The following HEPACAM2 variants were observed in gnomAD, a reference collection of about 807,000 sequenced individuals.
The protein encoded by HEPACAM2 is HEPACAM family member 2, also known as mitotic kinetics regulator.
In HEPACAM2, 49 loss-of-function variants were observed where a neutral mutation model predicts 49.6. That is an observed-to-expected ratio of 0.99 (90% CI 0.78 to 1.25). The LOEUF (loss-of-function observed/expected upper bound fraction) is 1.25. Among genes scored for constraint, HEPACAM2 ranks in the 50% most tolerant of loss-of-function variants. HEPACAM2 has a pLI of 0.00. For missense variants in HEPACAM2, 525 were observed against 557.2 expected, an observed-to-expected ratio of 0.94 and a Z score of 0.58; for synonymous variants, 197 against 202.9, an observed-to-expected ratio of 0.97 and a Z score of 0.25.
upstream of HEPACAM2, among the ~76,000 whole-genome samples, chr7:93,230,611 C>T (rs1211154748): frequency 6.6e-6 from 1 of 152,156 alleles, no homozygotes; most frequent in Non-Finnish European, 1.5e-5. Flanking sequence ...TGTTTATTGA[C>T]TTGGGTTTTA....
chr7:93,224,798 A>G (rs1206904220), intron 1 of HEPACAM2, among the ~76,000 whole-genome samples: 1 of 152,216 alleles, frequency 6.6e-6, no homozygotes, highest in Non-Finnish European at 1.5e-5. Context: ...GTTGACTGAA[A>G]ATAAAATCTT....
chr7:93,222,397 T>C (rs1794467987), intron 1 of HEPACAM2, among the ~76,000 whole-genome samples: 1 of 151,096 alleles, frequency 6.6e-6, no homozygotes, highest in Non-Finnish European at 1.5e-5. Flanking sequence ...TGCTCCCTCC[T>C]TTTTTTTTAC....
chr7:93,204,320 C>A (rs1793969422), intron 4 of HEPACAM2, among the ~76,000 whole-genome samples: 1 of 140,548 alleles, frequency 7.1e-6, no homozygotes, highest in Admixed American at 7.3e-5. Context: ...TTTCCATAAA[C>A]ATTCTCTATC....
chr7:93,223,242 T>G (rs906828788), intron 1 of HEPACAM2, among the ~76,000 whole-genome samples: 4 of 152,088 alleles, frequency 2.6e-5, no homozygotes, highest in African/African-American at 9.7e-5. Flanking sequence ...AGATTGAGAT[T>G]TATTTAATAT....
intron 1 of HEPACAM2, among the ~76,000 whole-genome samples, chr7:93,224,755 A>ATG: frequency 6.6e-6 from 1 of 152,314 alleles, no homozygotes; most frequent in East Asian, 1.9e-4. Context: ...CCCTGTTATC[A>ATG]TGTGTGGTAT....
chr7:93,200,698 A>T (rs999686745), intron 4 of HEPACAM2, among the ~76,000 whole-genome samples: 1 of 152,166 alleles, frequency 6.6e-6, no homozygotes, highest in Non-Finnish European at 1.5e-5. Context: ...AAAAACTAAC[A>T]TCACAAATCT....
chr7:93,231,000 C>A (rs1251599095), upstream of HEPACAM2, among the ~76,000 whole-genome samples: 1 of 152,090 alleles, frequency 6.6e-6, no homozygotes. Context: ...CCTTACAAAG[C>A]CCTATATAAA....
chr7:93,215,277 T>C (rs1206936723), intron 3 of HEPACAM2, 124 bp downstream of exon 3: 17 of 784,836 alleles, frequency 2.2e-5, no homozygotes, highest in African/African-American at 3.5e-5. Flanking sequence ...ATTAGAACTA[T>C]TGAACTACAA....
chr7:93,188,541 T>G lies in HEPACAM2; in HGVS notation c.*726A>C, dbSNP rs1335764478. 1 of 152,194 alleles carries G rather than the reference T, an allele frequency of 6.6e-6. No individual in the cohort carries two copies. The highest frequency in any genetic ancestry group is 1.9e-4 in the East Asian group (1 of 5,190). The allele number at this position is 152,194 out of a possible 1,614,324, so 9.4% of individuals were successfully genotyped here. On this transcript the variant is annotated 3_prime_UTR_variant, in exon 10 of 10. Coordinates refer to ENST00000394468, the MANE Select transcript of HEPACAM2 (RefSeq NM_001039372.4). The stretch of plus-strand genomic sequence containing the variant: ...AAAAACCAACGTCTACAATCTGATT[T>G]TTATGTAATATTTTTACTCTACAAG...
At chr7:93,224,098 T>A (rs376039151) in intron 1 of HEPACAM2, among the ~76,000 whole-genome samples, 34 of 152,060 alleles carry the variant, frequency 2.2e-4, no homozygotes, top group African/African-American at 7.2e-4. Context: ...TAGAAAATCA[T>A]CCTCTGCATG....
chr7:93,231,433 G>A (rs1794626081), upstream of HEPACAM2, among the ~76,000 whole-genome samples: 1 of 151,964 alleles, frequency 6.6e-6, no homozygotes. Context: ...CCTTAATTTC[G>A]CCATACCTGC....
chr7:93,193,353 A>G (rs1793604901), intron 8 of HEPACAM2, among the ~76,000 whole-genome samples: 1 of 152,130 alleles, frequency 6.6e-6, no homozygotes, highest in African/African-American at 2.4e-5. Context: ...TTGGTTTACG[A>G]TCTATCCTTG....
chr7:93,226,891 T>C (rs1436599132), upstream of HEPACAM2, among the ~76,000 whole-genome samples: 1 of 152,180 alleles, frequency 6.6e-6, no homozygotes, highest in Admixed American at 6.5e-5. Context: ...AGCTCATGTA[T>C]CTGCTAAACA....
intron 1 of HEPACAM2, chr7:93,225,853 G>C (rs1189795474): frequency 9.4e-7 from 1 of 1,063,678 alleles, no homozygotes; most frequent in Admixed American, 2.9e-5. Context: ...CTTTTGTGTA[G>C]GAAATTTTTT....
intron 3 of HEPACAM2, 65 bp from the exon 4 acceptor site, chr7:93,208,941 G>A: frequency 7.3e-7 from 1 of 1,378,266 alleles, no homozygotes; most frequent in Non-Finnish European, 9.8e-7. Flanking sequence ...TTTGAGTTTG[G>A]GAGAGCTTAG....
intron 3 of HEPACAM2, among the ~76,000 whole-genome samples, chr7:93,209,856 TA>T (rs1477578501): frequency 6.6e-6 from 1 of 151,934 alleles, no homozygotes; most frequent in South Asian, 2.1e-4. Context: ...CAAATAGACA[TA>T]GGGGTGTTTG....
chr7:93,219,305 T>C lies in HEPACAM2; in HGVS notation c.226A>G (p.Met76Val). The C allele has an allele frequency of 6.2e-7, 1 of 1,613,974 alleles. No individual in the cohort carries two copies. The highest frequency in any genetic ancestry group is 8.5e-7 in the Non-Finnish European group (1 of 1,179,930). The change falls in exon 2 of 10, where the codon ATG becomes GTG. Residue 76 changes from methionine to valine, a missense_variant. Physicochemically the swap from Met to Val is conservative, Grantham distance 21. Coordinates refer to ENST00000394468, the MANE Select transcript of HEPACAM2 (RefSeq NM_001039372.4). ...IIWLFERPHTMPKYLLGSVNK... is the reference protein window; with the variant it reads ...IIWLFERPHTVPKYLLGSVNK... The stretch of plus-strand genomic sequence containing the variant: ...ACAGAGCCCAGTAAGTATTTGGGCA[T>C]TGTGTGGGGTCTCTCAAATAGCCAT...
rs1365605002 is a variant in HEPACAM2, at chr7:93,188,601, A to G, written c.*666T>C. On this transcript the variant is annotated 3_prime_UTR_variant, in exon 10 of 10. Transcript: ENST00000394468. The stretch of plus-strand genomic sequence containing the variant: ...TAAGACCACATAAAAGCAAAAACAG[A>G]ATAATTTATTTGAATCCATCTTTCC... The G allele has an allele frequency of 6.4e-6, 1 of 155,854 alleles. No individual in the cohort carries two copies. Among genetic ancestry groups the G allele is most frequent in the Non-Finnish European group, 1.4e-5 (1 of 70,734 alleles). The allele number at this position is 155,854 out of a possible 1,614,324, so 9.7% of individuals were successfully genotyped here.
intron 4 of HEPACAM2, among the ~76,000 whole-genome samples, chr7:93,198,968 G>A (rs1793807918): frequency 6.6e-6 from 1 of 152,074 alleles, no homozygotes; most frequent in Admixed American, 6.6e-5. Context: ...TAATAAGGTA[G>A]TGTAGATCAT....
Sources: allele counts gnomAD v4.1 joint callset (sites outside exome capture counted in the v4.1 genomes callset), GRCh38; gene constraint gnomAD v4.1.1; transcripts MANE v1.5; gene names NCBI Gene and HGNC (gene_info 2026-07-23, HGNC 2026-07-21).